SYNJ2: variants seen among roughly 807,000 people sequenced by gnomAD.
The protein encoded by SYNJ2 is synaptojanin 2.
SYNJ2 carries 116 observed loss-of-function variants against 141.3 expected under a neutral mutation model. The observed-to-expected ratio is 0.82, with a 90% CI of 0.71 to 0.96. SYNJ2 has a LOEUF of 0.96. SYNJ2 is among the 40% of genes least tolerant of loss of function. SYNJ2 has a pLI of 0.00. For missense variants in SYNJ2, 1,873 were observed against 1,934.8 expected (o/e 0.97, Z 0.60); for synonymous variants, 745 against 777.7 (o/e 0.96, Z 0.70).
intron 1 of SYNJ2, among the ~76,000 whole-genome samples, chr6:158,004,994 C>T (rs1374211665): frequency 6.6e-6 from 1 of 152,130 alleles, no homozygotes; most frequent in African/African-American, 2.4e-5. Context: ...GCCCCTGACC[C>T]CTCCAGCATC....
At chr6:158,055,171 G>A in intron 6 of SYNJ2, 143 bp downstream of exon 6, 1 of 790,494 alleles carries the variant, frequency 1.3e-6, no homozygotes, top group South Asian at 1.9e-5. Flanking sequence ...GGTCCTTTAT[G>A]CAAGAAGGGA....
At chr6:158,010,219 T>A (rs1459788477) in intron 1 of SYNJ2, among the ~76,000 whole-genome samples, 3 of 152,268 alleles carry the variant, frequency 2.0e-5, no homozygotes, top group Non-Finnish European at 4.4e-5. Flanking sequence ...CATGCCTGGC[T>A]AGCTTCATTT....
In SYNJ2 at chr6:158,063,779, T is replaced by C; in HGVS notation, c.1128-12T>C. ...ACAACATATAACCGTTTACATTTCT[T>C]CTTGTCCTAAGTTTTCAGAAAGGCA... On this transcript the variant is annotated splice_polypyrimidine_tract_variant and intron_variant, in intron 8 of 26. Coordinates refer to ENST00000355585, the MANE Select transcript of SYNJ2 (RefSeq NM_003898.4). The C allele has an allele frequency of 6.2e-7, 1 of 1,611,792 alleles. No individual in the cohort carries two copies. The highest frequency in any genetic ancestry group is 1.7e-5 in the Admixed American group (1 of 59,956).
chr6:158,012,352 G>A (rs1012598927), intron 1 of SYNJ2, among the ~76,000 whole-genome samples: 3 of 152,218 alleles, frequency 2.0e-5, no homozygotes, highest in Admixed American at 6.5e-5. Flanking sequence ...TGATCTGGAT[G>A]AGTCCATCGC....
At chr6:158,077,860 CCTT>C (rs1398724722) in intron 17 of SYNJ2, 2 of 211,826 alleles carry the variant, frequency 9.4e-6, no homozygotes, top group African/African-American at 2.3e-5. Flanking sequence ...TTGCTGCCAA[CCTT>C]CTGGGATTCC....
intron 1 of SYNJ2, among the ~76,000 whole-genome samples, chr6:158,008,788 A>G (rs1169148695): frequency 6.6e-6 from 1 of 152,188 alleles, no homozygotes; most frequent in Non-Finnish European, 1.5e-5. Flanking sequence ...AGGTGGCGCT[A>G]GCACCTCCTA....
At position 158,015,731 on chromosome 6, in the gene SYNJ2, G is replaced by A. The variant is rs376620132; in HGVS notation, c.128-1473G>A. Among the ~76,000 whole-genome samples the A allele has an allele frequency of 6.6e-5, 10 of 152,194 alleles. No individual in the cohort carries two copies. The South Asian group carries it at 1.7e-3, about 25-fold the overall frequency. On this transcript the variant is annotated intron_variant, in intron 1 of 26. Transcript: ENST00000355585. Reference sequence around the variant, plus strand: ...GTTAATAGACCCCACTGGATTTTGCGATTTAATATGCTGATAAGGCACATA... The same window carrying A: ...GTTAATAGACCCCACTGGATTTTGCAATTTAATATGCTGATAAGGCACATA...
At chr6:158,044,701 A>C (rs898759455) in intron 5 of SYNJ2, among the ~76,000 whole-genome samples, 2 of 152,156 alleles carry the variant, frequency 1.3e-5, no homozygotes, top group Non-Finnish European at 2.9e-5. Context: ...ACTGTAATCT[A>C]ATCTTAGAAC....
At chr6:158,003,525 A>G (rs1483831635) in intron 1 of SYNJ2, among the ~76,000 whole-genome samples, 1 of 152,090 alleles carries the variant, frequency 6.6e-6, no homozygotes, top group Non-Finnish European at 1.5e-5. Context: ...ATACAAGAAG[A>G]TGGTTTCATG....
chr6:158,014,919 A>G (rs1367358838), intron 1 of SYNJ2, among the ~76,000 whole-genome samples: 2 of 152,168 alleles, frequency 1.3e-5, no homozygotes, highest in African/African-American at 4.8e-5. Flanking sequence ...TATATTTCCA[A>G]TCCCAGTTGG....
rs1183189161 is a variant in SYNJ2 at position 158,076,721 on chromosome 6, C to T, written c.2388C>T (p.Arg796=). The change falls in exon 17 of 27, where the codon CGC becomes CGT. Residue 796 remains arginine (R), a synonymous_variant. Coordinates refer to ENST00000355585, the MANE Select transcript of SYNJ2 (RefSeq NM_003898.4). ...CCTACGATACAAGCGACAAATGCCG[C>T]ACCCCCGCCTGGACAGACAGGGTGC... ...SAAYDTSDKC[R]TPAWTDRVLW... is the part of the protein sequence containing the mutation. The T allele has an allele frequency of 6.2e-7, 1 of 1,614,096 alleles. No homozygotes were observed.
intron 5 of SYNJ2, among the ~76,000 whole-genome samples, chr6:158,051,849 G>T (rs904890998): frequency 2.0e-5 from 3 of 151,768 alleles, no homozygotes; most frequent in Non-Finnish European, 2.9e-5. Flanking sequence ...CCGGCAACTT[G>T]GGAGGCTGAG....
chr6:158,029,349 G>T, intron 3 of SYNJ2: 1 of 166,368 alleles, frequency 6.0e-6, no homozygotes. Context: ...AGGAGTTTGA[G>T]ACAAGCCTGG....
At chr6:158,017,170 C>G (rs878224) in intron 1 of SYNJ2, 34 bp from the exon 2 acceptor site, 2 of 1,606,890 alleles carry the variant, frequency 1.2e-6, no homozygotes, top group Non-Finnish European at 1.7e-6. Flanking sequence ...AGGAGACGCT[C>G]GCTGATGCCT....
chr6:158,021,585 G>A (rs551038450), intron 2 of SYNJ2, among the ~76,000 whole-genome samples: 2 of 152,294 alleles, frequency 1.3e-5, no homozygotes. Flanking sequence ...GACCTGGCCT[G>A]CAGAGGGCTG....
chr6:158,074,492 C>A, intron 15 of SYNJ2, 88 bp from the exon 16 acceptor site: 1 of 1,401,318 alleles, frequency 7.1e-7, no homozygotes, highest in Non-Finnish European at 9.7e-7. Flanking sequence ...AAAAATACTC[C>A]TGCTTGCCCC....
At chr6:158,014,885 G>C (rs1339610926) in intron 1 of SYNJ2, among the ~76,000 whole-genome samples, 1 of 152,266 alleles carries the variant, frequency 6.6e-6, no homozygotes, top group Non-Finnish European at 1.5e-5. Context: ...AAGAGCTTCA[G>C]AGGGGAGGAT....
At chr6:158,046,895 C>G (rs1268738436) in intron 5 of SYNJ2, among the ~76,000 whole-genome samples, 1 of 150,412 alleles carries the variant, frequency 6.6e-6, no homozygotes, top group Admixed American at 6.6e-5. Context: ...GAAGCTTCCC[C>G]CCACCATATG....
rs373846786 is a variant in SYNJ2, at chr6:158,069,685, C to A, written c.1940+12C>A. On this transcript the variant is annotated intron_variant, in intron 14 of 26. Coordinates refer to ENST00000355585, the MANE Select transcript of SYNJ2 (RefSeq NM_003898.4). Reference sequence around the variant, plus strand: ...GTCCCGTTCATCAGGTAAGAACATTCTGTTTACACACATCTGGGGAACAAG... The same window carrying A: ...GTCCCGTTCATCAGGTAAGAACATTATGTTTACACACATCTGGGGAACAAG... 4.4e-6 allele frequency: 7 copies of A among 1,601,880 alleles called. No homozygotes were observed. The highest frequency in any genetic ancestry group is 6.0e-6 in the Non-Finnish European group (7 of 1,171,874).
Sources: allele counts gnomAD v4.1 joint callset (sites outside exome capture counted in the v4.1 genomes callset), GRCh38; gene constraint gnomAD v4.1.1; transcripts MANE v1.5; gene names NCBI Gene and HGNC (gene_info 2026-07-23, HGNC 2026-07-21).